Variants in SCARA5 observed in about 807,000 individuals in gnomAD.
SCARA5 encodes the protein scavenger receptor class A, member 5 (putative).
Under a neutral mutation model 46.3 loss-of-function variants are expected in SCARA5, and 45 were observed. The ratio of observed to expected loss-of-function variants is 0.97; its 90% confidence interval spans 0.76 to 1.24. The LOEUF (loss-of-function observed/expected upper bound fraction) is 1.24. Ranked by LOEUF, SCARA5 falls within the 50% of genes most tolerant of loss-of-function variation. The pLI, the probability that SCARA5 is intolerant of heterozygous loss-of-function variation, is 0.00. For missense variants in SCARA5, 680 were observed against 689.0 expected (o/e 0.99, Z 0.15); for synonymous variants, 333 against 306.5 (o/e 1.09, Z -0.90).
chr8:27,981,284 G>C (rs547320438), intron 2 of SCARA5, among the ~76,000 whole-genome samples: 1 of 152,204 alleles, frequency 6.6e-6, no homozygotes, highest in Non-Finnish European at 1.5e-5. Flanking sequence ...GGTGTGGCCA[G>C]GGTGTGACAC....
chr8:27,893,220 T>C (rs1807014584), intron 7 of SCARA5, among the ~76,000 whole-genome samples: 1 of 152,188 alleles, frequency 6.6e-6, no homozygotes, highest in Admixed American at 6.5e-5. Flanking sequence ...CCTGGCTCCT[T>C]AGCATATTAG....
chr8:27,881,062 C>G (rs892158030), intron 7 of SCARA5, among the ~76,000 whole-genome samples: 1 of 151,982 alleles, frequency 6.6e-6, no homozygotes, highest in South Asian at 2.1e-4. Context: ...CTGATAAGCC[C>G]GTGGAGAAAA....
intron 7 of SCARA5, among the ~76,000 whole-genome samples, chr8:27,899,674 T>C (rs1807119610): frequency 6.6e-6 from 1 of 152,250 alleles, no homozygotes; most frequent in Non-Finnish European, 1.5e-5. Flanking sequence ...ATGCCCTTGG[T>C]TATCCCCACC....
At chr8:27,885,410 T>G (rs931925561) in intron 7 of SCARA5, among the ~76,000 whole-genome samples, 6 of 152,188 alleles carry the variant, frequency 3.9e-5, no homozygotes, top group African/African-American at 1.4e-4. Context: ...TATAGCTTTG[T>G]GTCATAATTG....
At chr8:27,962,397 C>T (rs920802285) in intron 3 of SCARA5, among the ~76,000 whole-genome samples, 3 of 152,196 alleles carry the variant, frequency 2.0e-5, no homozygotes, top group African/African-American at 7.2e-5. Context: ...GCATGGGTCC[C>T]CTGAGTACAG....
intron 4 of SCARA5, among the ~76,000 whole-genome samples, chr8:27,911,876 A>G (rs919843128): frequency 3.3e-5 from 5 of 152,200 alleles, no homozygotes; most frequent in Non-Finnish European, 7.3e-5. Context: ...GCCTCAGTGC[A>G]ATGGCTGGTG....
chr8:27,980,933 C>T (rs957682358), intron 2 of SCARA5, among the ~76,000 whole-genome samples: 1 of 152,138 alleles, frequency 6.6e-6, no homozygotes, highest in Admixed American at 6.5e-5. Flanking sequence ...AGGCCAGGGT[C>T]CCTGAGAAGG....
chr8:27,915,282 C>A (rs908828888), intron 4 of SCARA5, among the ~76,000 whole-genome samples: 2 of 152,172 alleles, frequency 1.3e-5, no homozygotes, highest in Non-Finnish European at 2.9e-5. Flanking sequence ...GACTCAGGCC[C>A]AGAAAGGTGC....
intron 3 of SCARA5, among the ~76,000 whole-genome samples, chr8:27,934,411 T>C (rs1489169630): frequency 6.6e-6 from 1 of 152,044 alleles, no homozygotes; most frequent in Non-Finnish European, 1.5e-5. Flanking sequence ...CCAGAACTTA[T>C]AAAACTCAGA....
At chr8:27,956,201 A>G (rs533583608) in intron 3 of SCARA5, among the ~76,000 whole-genome samples, 1 of 152,316 alleles carries the variant, frequency 6.6e-6, no homozygotes, top group East Asian at 1.9e-4. Flanking sequence ...TGCAATGTTC[A>G]GTACTTGAGT....
chr8:27,966,396 A>G lies in SCARA5; in HGVS notation c.241+18T>C, dbSNP rs183173573. 770 of 1,587,196 alleles carry G rather than the reference A, an allele frequency of 4.9e-4. 9 individuals carry two copies. The South Asian group carries it at 8.3e-3, about 17-fold the overall frequency. On this transcript the variant is annotated intron_variant, in intron 3 of 8. Coordinates refer to ENST00000354914, the MANE Select transcript of SCARA5 (RefSeq NM_173833.6). ...TTCCTCATCCCAAAAGACCAGGACAAAAATGGCCTGCTCTTACCTGCTAAG... is the reference window on the plus strand; with the variant it reads ...TTCCTCATCCCAAAAGACCAGGACAGAAATGGCCTGCTCTTACCTGCTAAG...
At chr8:27,990,233 G>A (rs901042247) in intron 1 of SCARA5, among the ~76,000 whole-genome samples, 2 of 152,224 alleles carry the variant, frequency 1.3e-5, no homozygotes, top group African/African-American at 2.4e-5. Context: ...GGGGCCGAGC[G>A]GGGCCAGATG....
intron 2 of SCARA5, among the ~76,000 whole-genome samples, chr8:27,985,342 G>A (rs1808690251): frequency 6.6e-6 from 1 of 152,124 alleles, no homozygotes; most frequent in Non-Finnish European, 1.5e-5. Context: ...CCCTTCTAAG[G>A]GCAAAAGACC....
At chr8:27,960,059 G>A (rs1427553592) in intron 3 of SCARA5, among the ~76,000 whole-genome samples, 2 of 152,138 alleles carry the variant, frequency 1.3e-5, no homozygotes, top group African/African-American at 4.8e-5. Context: ...GCCTAGTTCT[G>A]TTTATAGACA....
At chr8:27,943,048 C>A (rs1299878288) in intron 3 of SCARA5, among the ~76,000 whole-genome samples, 1 of 152,200 alleles carries the variant, frequency 6.6e-6, no homozygotes, top group African/African-American at 2.4e-5. Context: ...TCCCTGCTGG[C>A]TCCTTGATAG....
Position 27,986,324 on chromosome 8 carries a change from C to T in SCARA5, c.112+1180G>A, listed in dbSNP as rs995342880. 5.9e-5 allele frequency among the ~76,000 whole-genome samples: 9 copies of T among 152,308 alleles called. No homozygotes were observed. The South Asian group carries it at 6.2e-4, about 11-fold the overall frequency. On this transcript the variant is annotated intron_variant, in intron 2 of 8. Coordinates refer to ENST00000354914, the MANE Select transcript of SCARA5 (RefSeq NM_173833.6). ...GCCCTTTTCCAGAAAGCCCTCTGCT[C>T]GCCTGACTTTATTATTCACACACAT...
At chr8:27,976,298 G>A (rs1211606565) in intron 2 of SCARA5, among the ~76,000 whole-genome samples, 1 of 152,160 alleles carries the variant, frequency 6.6e-6, no homozygotes, top group Non-Finnish European at 1.5e-5. Context: ...ACACGGATTA[G>A]AAGCTATGCG....
At chr8:27,910,772 G>T (rs931646527) in intron 4 of SCARA5, among the ~76,000 whole-genome samples, 2 of 152,226 alleles carry the variant, frequency 1.3e-5, no homozygotes. Flanking sequence ...AGAGGCCAGC[G>T]TCATGCTCAG....
chr8:27,897,326 G>A (rs531546039), intron 7 of SCARA5, among the ~76,000 whole-genome samples: 4 of 152,150 alleles, frequency 2.6e-5, no homozygotes, highest in South Asian at 2.1e-4. Context: ...CCAGCATAAC[G>A]GGAGCTCGGG....
Sources: allele counts gnomAD v4.1 joint callset (sites outside exome capture counted in the v4.1 genomes callset), GRCh38; gene constraint gnomAD v4.1.1; transcripts MANE v1.5; gene names NCBI Gene and HGNC (gene_info 2026-07-23, HGNC 2026-07-21).